Variants in ME3 observed in about 807,000 individuals in gnomAD.
ME3 encodes the protein NADP-dependent malic enzyme, mitochondrial.
ME3 carries 48 observed loss-of-function variants against 68.9 expected under a neutral mutation model. That is an observed-to-expected ratio of 0.70 (90% CI 0.55 to 0.89). The LOEUF (loss-of-function observed/expected upper bound fraction) is 0.89. Among genes scored for constraint, ME3 ranks in the 40% least tolerant of loss-of-function variants. The pLI, the probability that ME3 is intolerant of heterozygous loss-of-function variation, is 0.00. For missense variants in ME3, 675 were observed against 797.4 expected (o/e 0.85, Z 1.85); for synonymous variants, 320 against 318.8 (o/e 1.00, Z -0.04).
intron 4 of ME3, among the ~76,000 whole-genome samples, chr11:86,541,469 A>G (rs1177206061): frequency 1.3e-5 from 2 of 152,274 alleles, no homozygotes; most frequent in South Asian, 2.1e-4. Context: ...CGGGAGGGGC[A>G]TCTGCCATTA....
chr11:86,457,578 C>A, intron 8 of ME3: 1 of 1,175,216 alleles, frequency 8.5e-7, no homozygotes, highest in Non-Finnish European at 1.1e-6. Flanking sequence ...AAAGTTATCT[C>A]CATCATTAAC....
In ME3 at chr11:86,508,592, C is replaced by G. The variant is rs574559961; in HGVS notation, c.543+200G>C. The stretch of plus-strand genomic sequence containing the variant: ...TAATCACAATAATGAAGGGCAATGT[C>G]ACATGGATGCCTGGTTAATGCAAAC... On this transcript the variant is annotated intron_variant, in intron 5 of 14. Transcript: ENST00000543262. 3.3e-5 allele frequency among the ~76,000 whole-genome samples: 5 copies of G among 152,268 alleles called. 1 individual carries two copies. In the South Asian group the frequency reaches 1.0e-3, roughly 32 times the overall value.
At chr11:86,574,345 T>C (rs1461947879) in intron 2 of ME3, among the ~76,000 whole-genome samples, 2 of 147,792 alleles carry the variant, frequency 1.4e-5, no homozygotes, top group South Asian at 4.4e-4. Flanking sequence ...TTCCCGGATT[T>C]ATCTACCTTT....
chr11:86,510,528 ACTCTCAAATATCT>A (rs1953439982), intron 4 of ME3, among the ~76,000 whole-genome samples: 1 of 151,924 alleles, frequency 6.6e-6, no homozygotes, highest in Non-Finnish European at 1.5e-5. Context: ...TTGGCCAATG[ACTCTCAAATATCT>A]ATAGACCAGC....
At chr11:86,478,451 G>C (rs1333197743) in intron 7 of ME3, among the ~76,000 whole-genome samples, 1 of 152,092 alleles carries the variant, frequency 6.6e-6, no homozygotes, top group African/African-American at 2.4e-5. Flanking sequence ...ATTACAGTCA[G>C]GGCAAGAGTA....
chr11:86,524,964 C>A (rs533825022), intron 4 of ME3, among the ~76,000 whole-genome samples: 1 of 152,196 alleles, frequency 6.6e-6, no homozygotes, highest in Admixed American at 6.5e-5. Context: ...CATTCAAGAT[C>A]AGGAAAGTTA....
chr11:86,658,315 G>T (rs1256555633), intron 2 of ME3, among the ~76,000 whole-genome samples: 1 of 151,848 alleles, frequency 6.6e-6, no homozygotes, highest in Non-Finnish European at 1.5e-5. Context: ...TAGAGATGGG[G>T]TTTCATCATG....
chr11:86,548,562 G>A (rs1295792672), intron 4 of ME3, among the ~76,000 whole-genome samples: 1 of 152,170 alleles, frequency 6.6e-6, no homozygotes, highest in Non-Finnish European at 1.5e-5. Context: ...CTGCAGATAA[G>A]CCTGCAAGCT....
intron 13 of ME3, among the ~76,000 whole-genome samples, chr11:86,443,882 G>T (rs889382376): frequency 6.6e-6 from 1 of 152,074 alleles, no homozygotes; most frequent in African/African-American, 2.4e-5. Context: ...CCTTTATATG[G>T]CTCCTTCAAA....
At chr11:86,449,703 A>G (rs2138621987) in intron 10 of ME3, among the ~76,000 whole-genome samples, 186 bp downstream of exon 10, 1 of 152,244 alleles carries the variant, frequency 6.6e-6, no homozygotes, top group East Asian at 1.9e-4. Flanking sequence ...ACACACTTGT[A>G]CAAACTTTTG....
At chr11:86,441,851 T>C (rs1949012658) in intron 14 of ME3, among the ~76,000 whole-genome samples, 1 of 151,894 alleles carries the variant, frequency 6.6e-6, no homozygotes, top group Non-Finnish European at 1.5e-5. Flanking sequence ...TGAATATGGG[T>C]TAAATTGGAT....
intron 4 of ME3, among the ~76,000 whole-genome samples, chr11:86,543,688 T>TCC (rs1256376592): frequency 4.6e-5 from 7 of 152,124 alleles, no homozygotes; most frequent in Admixed American, 4.6e-4. Context: ...AGACTTAGAC[T>TCC]CCCACACAAG....
chr11:86,492,195 T>C (rs1952048396), intron 6 of ME3, among the ~76,000 whole-genome samples: 1 of 152,250 alleles, frequency 6.6e-6, no homozygotes, highest in Non-Finnish European at 1.5e-5. Context: ...ATGATTTCTA[T>C]CACACAATGC....
intron 2 of ME3, among the ~76,000 whole-genome samples, chr11:86,628,790 A>G (rs984330880): frequency 7.9e-5 from 12 of 152,326 alleles, no homozygotes; most frequent in African/African-American, 2.9e-4. Flanking sequence ...TGCACTGGGT[A>G]GGCCTTGACT....
At chr11:86,577,024 C>T (rs1178540869) in intron 2 of ME3, among the ~76,000 whole-genome samples, 9 of 152,158 alleles carry the variant, frequency 5.9e-5, no homozygotes, top group Non-Finnish European at 1.2e-4. Flanking sequence ...CCCTGGATTC[C>T]TGTTGTGGTA....
chr11:86,642,087 A>G (rs1944706545), intron 2 of ME3, among the ~76,000 whole-genome samples: 1 of 152,246 alleles, frequency 6.6e-6, no homozygotes, highest in African/African-American at 2.4e-5. Flanking sequence ...TAGCCCATAG[A>G]GGGCCAAATT....
intron 4 of ME3, among the ~76,000 whole-genome samples, chr11:86,531,117 T>C (rs1391653825): frequency 1.3e-5 from 2 of 152,008 alleles, no homozygotes; most frequent in Non-Finnish European, 2.9e-5. Context: ...AGGGCTAATA[T>C]CCAGAATCTA....
At chr11:86,454,878 T>C (rs1181860013) in intron 8 of ME3, among the ~76,000 whole-genome samples, 3 of 152,256 alleles carry the variant, frequency 2.0e-5, no homozygotes, top group African/African-American at 7.2e-5. Flanking sequence ...GTTTTCCAGG[T>C]GGCTTATTTT....
chr11:86,575,739 G>T (rs565355324), intron 2 of ME3, among the ~76,000 whole-genome samples: 1 of 152,202 alleles, frequency 6.6e-6, no homozygotes, highest in Non-Finnish European at 1.5e-5. Context: ...TTGTGAGTCT[G>T]TTCTCCCCGA....
Sources: allele counts gnomAD v4.1 joint callset (sites outside exome capture counted in the v4.1 genomes callset), GRCh38; gene constraint gnomAD v4.1.1; transcripts MANE v1.5; gene names NCBI Gene and HGNC (gene_info 2026-07-23, HGNC 2026-07-21).